WWOX: variants seen among roughly 807,000 people sequenced by gnomAD.
WWOX encodes the protein WW domain-containing oxidoreductase.
In WWOX, 69 loss-of-function variants were observed where a neutral mutation model predicts 46.2. That is an observed-to-expected ratio of 1.49 (90% CI 1.23 to 1.82). The LOEUF is 1.82. Among genes scored for constraint, WWOX ranks in the 40% most tolerant of loss-of-function variants. The pLI, the probability that WWOX is intolerant of heterozygous loss-of-function variation, is 0.00. For synonymous variants in WWOX, 359 were observed against 202.6 expected (o/e 1.77, Z -6.56); for missense variants, 919 against 542.6 (o/e 1.69, Z -6.89).
chr16:78,248,240 G>T (rs1321506825), intron 5 of WWOX, among the ~76,000 whole-genome samples: 1 of 152,142 alleles, frequency 6.6e-6, no homozygotes, highest in South Asian at 2.1e-4. Context: ...ATGGTGGAAG[G>T]CAAAGGGGAA....
intron 8 of WWOX, among the ~76,000 whole-genome samples, chr16:78,942,295 T>A (rs1050911153): frequency 6.6e-6 from 1 of 152,178 alleles, no homozygotes; most frequent in African/African-American, 2.4e-5. Flanking sequence ...TTGAAGAATT[T>A]TTCTTCATTT....
chr16:78,867,833 C>T (rs1321803446), intron 8 of WWOX, among the ~76,000 whole-genome samples: 1 of 152,108 alleles, frequency 6.6e-6, no homozygotes, highest in Non-Finnish European at 1.5e-5. Context: ...TGAATTCTAG[C>T]CCCAGACCAT....
chr16:79,093,513 T>C (rs1469417473), intron 8 of WWOX, among the ~76,000 whole-genome samples: 1 of 152,058 alleles, frequency 6.6e-6, no homozygotes, highest in African/African-American at 2.4e-5. Flanking sequence ...TTTTATTAAA[T>C]GAAAAAGAGT....
intron 8 of WWOX, among the ~76,000 whole-genome samples, chr16:78,782,790 T>G (rs573476208): frequency 2.6e-5 from 4 of 152,138 alleles, no homozygotes; most frequent in Non-Finnish European, 5.9e-5. Flanking sequence ...AAATATGTGA[T>G]GCAATCAATC....
intron 8 of WWOX, among the ~76,000 whole-genome samples, chr16:79,202,290 T>C (rs2051370268): frequency 6.6e-6 from 1 of 152,176 alleles, no homozygotes; most frequent in African/African-American, 2.4e-5. Context: ...ACTTTTGTCA[T>C]TGGCCTTGAC....
intron 8 of WWOX, among the ~76,000 whole-genome samples, chr16:79,122,388 A>T (rs903916813): frequency 6.6e-6 from 1 of 152,176 alleles, no homozygotes; most frequent in Non-Finnish European, 1.5e-5. Flanking sequence ...AAAATCCTCC[A>T]ATATTAAGAA....
intron 5 of WWOX, among the ~76,000 whole-genome samples, chr16:78,367,091 T>A (rs1307899769): frequency 6.6e-6 from 1 of 150,402 alleles, no homozygotes; most frequent in Admixed American, 6.7e-5. Flanking sequence ...GCCATTCTCC[T>A]GCCTCAGCCT....
intron 7 of WWOX, among the ~76,000 whole-genome samples, chr16:78,427,471 G>A (rs140548823): frequency 6.6e-6 from 1 of 152,168 alleles, no homozygotes; most frequent in Non-Finnish European, 1.5e-5. Context: ...ACCCTCAATG[G>A]CTGCAGCTGC....
At chr16:78,170,862 A>T (rs2035134164) in intron 5 of WWOX, among the ~76,000 whole-genome samples, 1 of 152,278 alleles carries the variant, frequency 6.6e-6, no homozygotes, top group Admixed American at 6.5e-5. Context: ...AAGATTTATT[A>T]GCCAGAGGTA....
At chr16:78,183,879 G>T (rs1016203802) in intron 5 of WWOX, among the ~76,000 whole-genome samples, 2 of 152,178 alleles carry the variant, frequency 1.3e-5, no homozygotes, top group Admixed American at 6.5e-5. Flanking sequence ...GTAGGATGGT[G>T]ACCGTTTACA....
intron 8 of WWOX, among the ~76,000 whole-genome samples, chr16:78,982,402 C>T (rs2151335099): frequency 6.6e-6 from 1 of 152,292 alleles, no homozygotes; most frequent in African/African-American, 2.4e-5. Flanking sequence ...CACGTGTGTG[C>T]TGGTAAGCTG....
chr16:79,023,769 A>C (rs1173048209), intron 8 of WWOX, among the ~76,000 whole-genome samples: 1 of 141,934 alleles, frequency 7.0e-6, no homozygotes, highest in Non-Finnish European at 1.5e-5. Flanking sequence ...AAATATGGTG[A>C]TACCCCATCT....
chr16:79,018,147 C>T (rs2047454873), intron 8 of WWOX, among the ~76,000 whole-genome samples: 1 of 152,144 alleles, frequency 6.6e-6, no homozygotes, highest in African/African-American at 2.4e-5. Context: ...CAAGAATCTT[C>T]CGGTTAAACA....
At chr16:78,926,636 G>C (rs965597593) in intron 8 of WWOX, among the ~76,000 whole-genome samples, 2 of 152,180 alleles carry the variant, frequency 1.3e-5, no homozygotes, top group African/African-American at 4.8e-5. Flanking sequence ...AACAAGTGCT[G>C]ATCTTTGGGC....
chr16:78,204,734 C>T (rs549034544), intron 5 of WWOX, among the ~76,000 whole-genome samples: 9 of 152,110 alleles, frequency 5.9e-5, no homozygotes, highest in Non-Finnish European at 1.2e-4. Flanking sequence ...TGAGAAATAC[C>T]TGATTACACA....
In WWOX at chr16:78,343,178, G is replaced by T. The variant is rs2081043600; in HGVS notation, c.517-43682G>T. Among the ~76,000 whole-genome samples the T allele has an allele frequency of 4.2e-5, 5 of 119,720 alleles. 2 individuals carry two copies. Among genetic ancestry groups the T allele is most frequent in the Non-Finnish European group, 9.9e-5 (5 of 50,258 alleles). 78.5% of individuals were successfully genotyped at this position (119,720 alleles called of 152,430 possible). A position where few individuals can be genotyped will look rare whatever the true frequency, so the allele number is the denominator to read the frequency against. On this transcript the variant is annotated intron_variant, in intron 5 of 8. Transcript: ENST00000566780. The stretch of plus-strand genomic sequence containing the variant: ...ATGACACCATGACTCTGCTTTCTGG[G>T]TGTCCTCTGTGGGCTCTCAGCAGTG...
intron 6 of WWOX, among the ~76,000 whole-genome samples, chr16:78,410,986 C>G (rs2082667667): frequency 6.6e-6 from 1 of 152,046 alleles, no homozygotes; most frequent in Non-Finnish European, 1.5e-5. Context: ...CCATGTGGGC[C>G]TCTTCATGGG....
intron 8 of WWOX, among the ~76,000 whole-genome samples, chr16:79,136,282 G>A (rs921514564): frequency 6.6e-6 from 1 of 151,352 alleles, no homozygotes; most frequent in Non-Finnish European, 1.5e-5. Context: ...CCAGGCTGGA[G>A]TGCAGTGGTG....
At chr16:78,630,851 G>T (rs139799546) in intron 8 of WWOX, among the ~76,000 whole-genome samples, 1 of 147,462 alleles carries the variant, frequency 6.8e-6, no homozygotes. Context: ...CTGGGTGAAT[G>T]AACGAAAGAG....
Sources: gnomAD v4.1 joint callset for allele counts (sites outside exome capture counted in the v4.1 genomes callset) on GRCh38, gnomAD v4.1.1 for gene constraint, MANE v1.5 for transcripts, NCBI Gene and HGNC (gene_info 2026-07-23, HGNC 2026-07-21) for gene names.